COL2A1: variants seen among roughly 807,000 people sequenced by gnomAD.
The protein encoded by COL2A1 is collagen type II alpha 1 chain.
COL2A1 carries 28 observed loss-of-function variants against 204.5 expected under a neutral mutation model. The ratio of observed to expected loss-of-function variants is 0.14; its 90% CI spans 0.10 to 0.19. The LOEUF is 0.19. COL2A1 is among the 10% of genes least tolerant of loss of function. The pLI, the probability that COL2A1 is intolerant of heterozygous loss-of-function variation, is 1.00. For synonymous variants in COL2A1, 708 were observed against 718.7 expected (o/e 0.99, Z 0.24); for missense variants, 1,388 against 2,027.5 (o/e 0.68, Z 6.06).
intron 2 of COL2A1, chr12:47,998,672 C>A: frequency 1.9e-6 from 1 of 535,476 alleles, no homozygotes; most frequent in Non-Finnish European, 3.3e-6. Flanking sequence ...AAAAAGCAGG[C>A]AGCATGCAAA....
rs3829731 is a variant in COL2A1 at position 47,986,203 on chromosome 12, C to T, written c.1527+133G>A. On this transcript the variant is annotated intron_variant, in intron 23 of 53. Transcript: ENST00000380518. ...ATCAGGATCAGACTCCCTCTCCCCGCGGTGTGGATGGAGAAAGAGGAGGAT... is the reference window on the plus strand; with the variant it reads ...ATCAGGATCAGACTCCCTCTCCCCGTGGTGTGGATGGAGAAAGAGGAGGAT... 3.5e-4 allele frequency: 268 copies of T among 767,870 alleles called. No individual in the cohort carries two copies. In the East Asian group the frequency reaches 6.7e-3, roughly 19 times the overall value. 47.6% of individuals were successfully genotyped at this position (767,870 alleles called of 1,614,324 possible).
Position 47,980,198 on chromosome 12 carries a change from GCTGCCACAGGCAGCTCTGTCCCCT to G in COL2A1, c.2626-160_2626-137del, listed in dbSNP as rs1181658891. On this transcript the variant is annotated intron_variant, in intron 39 of 53. Coordinates refer to ENST00000380518, the MANE Select transcript of COL2A1 (RefSeq NM_001844.5). The surrounding 1 kb of genome is among the most constrained non-coding windows in gnomAD (Gnocchi z 4.5). ...GGCACTAAAAACCCAGCCTGAAGAG[GCTGCCACAGGCAGCTCTGTCCCCT>G]CTGCCACAGGAGACTTGTGTTCTAG... The G allele has an allele frequency of 2.5e-5, 19 of 772,926 alleles. No homozygotes were observed. Among genetic ancestry groups the G allele is most frequent in the Non-Finnish European group, 4.0e-5 (18 of 450,640 alleles). The allele number at this position is 772,926 out of a possible 1,614,324, so 47.9% of individuals were successfully genotyped here.
At position 47,976,205 on chromosome 12, in the gene COL2A1, C is replaced by G. The variant is rs1938699054; in HGVS notation, c.3490-135G>C. The G allele has an allele frequency of 1.3e-6, 1 of 760,376 alleles. No homozygotes were observed. The highest frequency in any genetic ancestry group is 2.4e-6 in the Non-Finnish European group (1 of 420,114). The allele number at this position is 760,376 out of a possible 1,614,324, so 47.1% of individuals were successfully genotyped here. A position where few individuals can be genotyped will look rare whatever the true frequency, so the allele number is the denominator to read the frequency against. On this transcript the variant is annotated intron_variant, in intron 49 of 53. Coordinates refer to ENST00000380518, the MANE Select transcript of COL2A1 (RefSeq NM_001844.5). The surrounding 1 kb of genome is among the most constrained non-coding windows in gnomAD (Gnocchi z 4.3). ...GTTCTTCACATGCTCAGTCATGGAA[C>G]CCTAAGTTGGTCTCTATTTGGCCAA...
intron 21 of COL2A1, 79 bp downstream of exon 21, chr12:47,986,999 G>C (rs1023938863): frequency 1.3e-6 from 2 of 1,580,994 alleles, no homozygotes; most frequent in African/African-American, 2.7e-5. Flanking sequence ...GGCCAGGGCA[G>C]GAGAGCATGG....
chr12:47,998,320 A>G (rs1361971870), intron 3 of COL2A1, 95 bp downstream of exon 3: 1 of 1,527,142 alleles, frequency 6.5e-7, no homozygotes, highest in Non-Finnish European at 9.1e-7. Context: ...TCTGATGTCT[A>G]AAAAATCACA....
chr12:47,978,654 G>A lies in COL2A1; in HGVS notation c.2838C>T (p.Leu946=), dbSNP rs977540194. Reference sequence around the variant, plus strand: ...CGCCAGGGGGTCCAGCAGGACCTTGGAGGCCGGGTTCACCAGCTCGGCCAG... The same window carrying A: ...CGCCAGGGGGTCCAGCAGGACCTTGAAGGCCGGGTTCACCAGCTCGGCCAG... ...GPPGRAGEPG[L]QGPAGPPGEK... The change falls in exon 42 of 54, where the codon CTC becomes CTT. Residue 946 remains leucine (L), a synonymous_variant. Coordinates refer to ENST00000380518, the MANE Select transcript of COL2A1 (RefSeq NM_001844.5). This position sits in a 1 kb window ranked among gnomAD's most constrained non-coding sequence, Gnocchi z 5.5. 2.5e-6 allele frequency: 4 copies of A among 1,613,384 alleles called. No homozygotes were observed. Among genetic ancestry groups the A allele is most frequent in the Non-Finnish European group, 2.5e-6 (3 of 1,180,020 alleles).
chr12:48,003,895 C>T (rs927028700), intron 1 of COL2A1, among the ~76,000 whole-genome samples: 2 of 152,240 alleles, frequency 1.3e-5, no homozygotes, highest in Non-Finnish European at 2.9e-5. Flanking sequence ...GAGCTGTGTG[C>T]ATGTGCGCCT....
chr12:47,984,853 C>G, intron 27 of COL2A1, 142 bp downstream of exon 27: 2 of 806,018 alleles, frequency 2.5e-6, no homozygotes, highest in South Asian at 2.9e-5. Flanking sequence ...ACATACAGAC[C>G]CCCACTGCCA....
chr12:47,993,904 C>A, intron 13 of COL2A1, 42 bp from the exon 14 acceptor site: 1 of 1,614,032 alleles, frequency 6.2e-7, no homozygotes, highest in Non-Finnish European at 8.5e-7. Flanking sequence ...TTCTGGGAAA[C>A]CCAAGTTGGA....
intron 16 of COL2A1, 136 bp from the exon 17 acceptor site, chr12:47,989,941 G>A (rs1939626898): frequency 1.2e-6 from 1 of 802,356 alleles, no homozygotes; most frequent in Non-Finnish European, 2.1e-6. Flanking sequence ...ATGGCGAGGT[G>A]TGGGCTGCAG....
Position 47,975,985 on chromosome 12 carries a change from C to A in COL2A1, c.3575G>T (p.Arg1192Leu). The A allele has an allele frequency of 6.2e-7, 1 of 1,613,882 alleles. No individual in the cohort carries two copies. The highest frequency in any genetic ancestry group is 1.1e-5 in the South Asian group (1 of 91,078). Reference sequence around the variant, plus strand: ...TACAGCAGGGCCGGTTTCGCCTGATCGTCCACGGGGACCAGGAGGCCCAAT... The same window carrying A: ...TACAGCAGGGCCGGTTTCGCCTGATAGTCCACGGGGACCAGGAGGCCCAAT... Reference protein sequence around the residue: ...GPIGPPGPRGRSGETGPAGPP... With the variant: ...GPIGPPGPRGLSGETGPAGPP... Residue 1192 changes from arginine to leucine, a missense_variant, in exon 50 of 54, where the codon CGA becomes CTA. Transcript: ENST00000380518.
intron 16 of COL2A1, among the ~76,000 whole-genome samples, chr12:47,990,785 T>C (rs79867796): frequency 1.1e-3 from 165 of 152,344 alleles, no homozygotes; most frequent in Non-Finnish European, 1.9e-3. Flanking sequence ...AAGTTTGTGG[T>C]GGCACCCCTC....
intron 10 of COL2A1, 54 bp from the exon 11 acceptor site, chr12:47,995,362 G>A (rs1379632642): frequency 3.5e-6 from 5 of 1,447,600 alleles, no homozygotes; most frequent in African/African-American, 2.8e-5. Context: ...AGACACCTAA[G>A]CAATGGACAA....
intron 51 of COL2A1, 68 bp from the exon 52 acceptor site, chr12:47,974,930 A>G: frequency 6.6e-7 from 1 of 1,505,592 alleles, no homozygotes; most frequent in Non-Finnish European, 9.0e-7. Flanking sequence ...TGAGAGACCC[A>G]GGCCTGACTG....
At chr12:47,984,704 G>A in intron 27 of COL2A1, 105 bp from the exon 28 acceptor site, 1 of 1,113,546 alleles carries the variant, frequency 9.0e-7, no homozygotes. Flanking sequence ...CTGATGGACA[G>A]CCAAGATAAA....
chr12:47,977,975 C>G (rs555867303), intron 44 of COL2A1, 35 bp downstream of exon 44: 2 of 1,574,470 alleles, frequency 1.3e-6, no homozygotes, highest in African/African-American at 1.3e-5. Flanking sequence ...CCCCTCTCCC[C>G]AATCAGGGCC....
chr12:47,998,243 A>G, intron 3 of COL2A1, 42 bp from the exon 4 acceptor site: 3 of 1,613,862 alleles, frequency 1.9e-6, no homozygotes, highest in Non-Finnish European at 1.7e-6. Context: ...GAGTAAGCCC[A>G]CTAAGCCCCT....
At chr12:48,002,895 T>G (rs993684400) in intron 1 of COL2A1, 14 of 152,260 alleles carry the variant, frequency 9.2e-5, no homozygotes, top group Non-Finnish European at 1.6e-4. Flanking sequence ...CCCGCTGCGC[T>G]AATGACCGGA....
rs762238866 is a variant in COL2A1 at position 47,976,903 on chromosome 12, C to T, written c.3344G>A (p.Arg1115Lys). ...ARGIQGPQGPRGDKGEAGEPG... is the reference protein window; with the variant it reads ...ARGIQGPQGPKGDKGEAGEPG... ...CTCTCCAGCCTCTCCTTTGTCACCTCTGGGGCCTTGAGGACCCTGGGAACA... is the reference window on the plus strand; with the variant it reads ...CTCTCCAGCCTCTCCTTTGTCACCTTTGGGGCCTTGAGGACCCTGGGAACA... The change falls in exon 48 of 54, where the codon AGA becomes AAA. Residue 1115 changes from arginine to lysine, a missense_variant. Coordinates refer to ENST00000380518, the MANE Select transcript of COL2A1 (RefSeq NM_001844.5). The surrounding 1 kb of genome is among the most constrained non-coding windows in gnomAD (Gnocchi z 4.3). The T allele has an allele frequency of 8.1e-6, 13 of 1,607,594 alleles. No individual in the cohort carries two copies. In the South Asian group the frequency reaches 1.3e-4, roughly 17 times the overall value.
Sources: allele counts gnomAD v4.1 joint callset (sites outside exome capture counted in the v4.1 genomes callset), GRCh38; gene constraint gnomAD v4.1.1; non-coding constraint Gnocchi (gnomAD v3.1); transcripts MANE v1.5; gene names NCBI Gene and HGNC (gene_info 2026-07-23, HGNC 2026-07-21).